The following EYS variants were observed in gnomAD, a reference collection of about 807,000 sequenced individuals.
EYS encodes the protein EGF-like photoreceptor maintenance factor.
In EYS, 250 loss-of-function variants were observed where a neutral mutation model predicts 282.1. The ratio of observed to expected loss-of-function variants is 0.89; its 90% confidence interval spans 0.80 to 0.98. EYS has a LOEUF of 0.98. Among genes scored for constraint, EYS ranks in the 50% least tolerant of loss-of-function variants. The pLI is 0.00. For synonymous variants in EYS, 1,355 were observed against 1,282.9 expected (o/e 1.06, Z -1.20); for missense variants, 4,016 against 3,709.0 (o/e 1.08, Z -2.15).
At chr6:63,864,701 C>A (rs775184693) in intron 35 of EYS, among the ~76,000 whole-genome samples, 7 of 152,140 alleles carry the variant, frequency 4.6e-5, no homozygotes, top group Admixed American at 6.5e-5. Flanking sequence ...TAAAGTGCAT[C>A]AAATGTCTAT....
intron 26 of EYS, among the ~76,000 whole-genome samples, chr6:64,509,450 G>T (rs1777315219): frequency 6.6e-6 from 1 of 152,094 alleles, no homozygotes; most frequent in Non-Finnish European, 1.5e-5. Flanking sequence ...GTTCCTTAAA[G>T]TGTGTCATGT....
intron 30 of EYS, among the ~76,000 whole-genome samples, chr6:64,248,287 T>C (rs1245436900): frequency 7.2e-6 from 1 of 139,004 alleles, no homozygotes; most frequent in Non-Finnish European, 1.6e-5. Flanking sequence ...TAAGGCAAAG[T>C]GAAGTCATCA....
At chr6:65,470,542 A>T (rs1430496137) in intron 5 of EYS, among the ~76,000 whole-genome samples, 1 of 152,218 alleles carries the variant, frequency 6.6e-6, no homozygotes, top group African/African-American at 2.4e-5. Flanking sequence ...TCATTAATCA[A>T]GAATACAATA....
At position 65,495,300 on chromosome 6, in the gene EYS, T is replaced by C. The variant is rs932242622; in HGVS notation, c.111A>G (p.Ser37=). 1 of 1,614,072 alleles carries C rather than the reference T, an allele frequency of 6.2e-7. No homozygotes were observed. Among genetic ancestry groups the C allele is most frequent in the Non-Finnish European group, 8.5e-7 (1 of 1,180,018 alleles). ...QLVEEWHPQP[S]SYVVNWTLTE... is the part of the protein sequence containing the mutation. ...TTAGTGTCCAATTTACCACATATGA[T>C]GAGGGTTGTGGATGCCATTCTTCCA... The change falls in exon 4 of 43, where the codon TCA becomes TCG. Residue 37 remains serine, a synonymous_variant. Coordinates refer to ENST00000503581, the MANE Select transcript of EYS (RefSeq NM_001142800.2).
chr6:64,972,428 C>T (rs547106901), intron 14 of EYS, among the ~76,000 whole-genome samples: 55 of 152,054 alleles, frequency 3.6e-4, no homozygotes, highest in Non-Finnish European at 6.8e-4. Context: ...TCTCCTGCCT[C>T]TCCTTCCACC....
chr6:65,290,293 T>A (rs1420967644), intron 12 of EYS, among the ~76,000 whole-genome samples: 1 of 151,002 alleles, frequency 6.6e-6, no homozygotes, highest in African/African-American at 2.4e-5. Context: ...ACCTTGAGAA[T>A]AAATCTATGA....
chr6:65,465,627 G>A (rs62407690), intron 5 of EYS, among the ~76,000 whole-genome samples: 14,762 of 152,110 alleles, frequency 0.097, 941 homozygotes, highest in South Asian at 0.19. Flanking sequence ...CACAATTAGC[G>A]TTGAGATAAA....
At chr6:65,043,187 A>T (rs1772991008) in intron 13 of EYS, among the ~76,000 whole-genome samples, 1 of 151,642 alleles carries the variant, frequency 6.6e-6, no homozygotes, top group African/African-American at 2.4e-5. Flanking sequence ...TAATATATCT[A>T]TTACTTCATT....
rs181380300 is a variant in EYS at position 64,040,327 on chromosome 6, G to A, written c.6725+26011C>T. Among the ~76,000 whole-genome samples, 48 of 152,246 alleles carry A rather than the reference G, an allele frequency of 3.2e-4. 1 individual carries two copies. In the East Asian group the frequency reaches 9.3e-3, roughly 29 times the overall value. ...CTATGGGGGTGGTGGTGAATAGCAGGACAAAAATTACTTAAGTGTAATTTG... is the reference window on the plus strand; with the variant it reads ...CTATGGGGGTGGTGGTGAATAGCAGAACAAAAATTACTTAAGTGTAATTTG... On this transcript the variant is annotated intron_variant, in intron 33 of 42. Coordinates refer to ENST00000503581, the MANE Select transcript of EYS (RefSeq NM_001142800.2).
intron 35 of EYS, among the ~76,000 whole-genome samples, chr6:63,871,700 T>C (rs1772809413): frequency 6.6e-6 from 1 of 151,982 alleles, no homozygotes; most frequent in Non-Finnish European, 1.5e-5. Flanking sequence ...GTTTGTTAGT[T>C]CCAAATCTAC....
At chr6:64,938,167 T>G (rs926575686) in intron 15 of EYS, among the ~76,000 whole-genome samples, 2 of 151,594 alleles carry the variant, frequency 1.3e-5, no homozygotes, top group African/African-American at 4.8e-5. Flanking sequence ...TGAGTTCCTT[T>G]GGAATAATAA....
Position 64,439,221 on chromosome 6 carries a change from CT to C in EYS, c.5775del (p.Asp1926ThrfsTer4). The C allele has an allele frequency of 6.7e-7, 1 of 1,485,130 alleles. No individual in the cohort carries two copies. The highest frequency in any genetic ancestry group is 8.9e-7 in the Non-Finnish European group (1 of 1,118,180). The allele number at this position is 1,485,130 out of a possible 1,614,324, so 92.0% of individuals were successfully genotyped here. A position where few individuals can be genotyped will look rare whatever the true frequency, so the allele number is the denominator to read the frequency against. The part of the protein sequence containing the change: ...SSYGLLLYVK[Q>X]DSNLVDGFFI... ...AAAAATCCATCTACTAAATTTGAGT[CT>C]TGCTTGACATACAGCAGAAGTCCAT... On this transcript the variant is annotated frameshift_variant, in exon 27 of 43. Coordinates refer to ENST00000503581, the MANE Select transcript of EYS (RefSeq NM_001142800.2). LOFTEE classifies it high-confidence loss of function.
intron 39 of EYS, among the ~76,000 whole-genome samples, chr6:63,783,977 T>C (rs1770302168): frequency 6.6e-6 from 1 of 152,176 alleles, no homozygotes; most frequent in Non-Finnish European, 1.5e-5. Context: ...ATTCAATCAC[T>C]GAAGACCTAA....
At chr6:64,325,919 C>G (rs1247465242) in intron 29 of EYS, among the ~76,000 whole-genome samples, 2 of 151,914 alleles carry the variant, frequency 1.3e-5, no homozygotes, top group Non-Finnish European at 2.9e-5. Flanking sequence ...ATTAAATGAA[C>G]AAACCTAAGA....
At chr6:65,154,652 T>C (rs1291959506) in intron 12 of EYS, among the ~76,000 whole-genome samples, 1 of 151,630 alleles carries the variant, frequency 6.6e-6, no homozygotes, top group Non-Finnish European at 1.5e-5. Flanking sequence ...TTTTAATACT[T>C]AGGATAATCT....
rs115677727 is a variant in EYS, at chr6:65,098,900, A to T, written c.2024-41173T>A. Among the ~76,000 whole-genome samples the T allele has an allele frequency of 7.5e-3, 1,128 of 150,936 alleles. 22 individuals carry two copies. Among genetic ancestry groups the T allele is most frequent in the African/African-American group, 0.024 (1,011 of 41,430 alleles). ...TCTGTAAGGAAATTATAAAGTTTAA[A>T]AAAATAATAACAATTTTTTCATATA... On this transcript the variant is annotated intron_variant, in intron 12 of 42. Coordinates refer to ENST00000503581, the MANE Select transcript of EYS (RefSeq NM_001142800.2).
chr6:65,577,756 A>AAAC (rs1764725874), intron 2 of EYS, among the ~76,000 whole-genome samples: 1 of 151,396 alleles, frequency 6.6e-6, no homozygotes, highest in Admixed American at 6.6e-5. Flanking sequence ...GTTTTAAAAA[A>AAAC]AAAAAAAATG....
chr6:64,097,687 C>T (rs901752835), intron 31 of EYS, among the ~76,000 whole-genome samples: 2 of 152,168 alleles, frequency 1.3e-5, no homozygotes, highest in African/African-American at 4.8e-5. Context: ...AATTCCCTGA[C>T]CCCTTGGGCT....
At chr6:64,908,165 C>T (rs866917800) in intron 16 of EYS, among the ~76,000 whole-genome samples, 1 of 152,136 alleles carries the variant, frequency 6.6e-6, no homozygotes, top group African/African-American at 2.4e-5. Context: ...AGAGGTGCCC[C>T]ATCTACTTGG....
Sources: allele counts gnomAD v4.1 joint callset (sites outside exome capture counted in the v4.1 genomes callset), GRCh38; gene constraint gnomAD v4.1.1; transcripts MANE v1.5; gene names NCBI Gene and HGNC (gene_info 2026-07-23, HGNC 2026-07-21).